The following SUPT6H variants were observed in gnomAD, a reference collection of about 807,000 sequenced individuals.
SUPT6H encodes SPT6 homolog, histone chaperone and transcription elongation factor, also known as transcription elongation factor SPT6.
In SUPT6H, 11 loss-of-function variants were observed where a neutral mutation model predicts 222.3. That is an observed-to-expected ratio of 0.05 (90% confidence interval 0.03 to 0.08). The LOEUF (loss-of-function observed/expected upper bound fraction) is 0.08. Among genes scored for constraint, SUPT6H ranks in the 10% least tolerant of loss-of-function variants. The pLI, the probability that SUPT6H is intolerant of heterozygous loss-of-function variation, is 1.00. For missense variants in SUPT6H, 1,422 were observed against 2,216.0 expected (o/e 0.64, Z 7.19); for synonymous variants, 762 against 801.2 (o/e 0.95, Z 0.83).
At chr17:28,698,119 C>G (rs948885192) in intron 32 of SUPT6H, 89 bp downstream of exon 32, 86 of 1,467,022 alleles carry the variant, frequency 5.9e-5, no homozygotes, top group Non-Finnish European at 7.6e-5. Flanking sequence ...CCCTCTCTGG[C>G]TCTGCTGGAC....
chr17:28,697,787 G>A (rs2031987312), intron 31 of SUPT6H, 54 bp downstream of exon 31: 7 of 1,610,362 alleles, frequency 4.3e-6, no homozygotes, highest in African/African-American at 1.3e-5. Context: ...AAGGATGTAC[G>A]CTTTCCCTTC....
chr17:28,697,096 C>T lies in SUPT6H; in HGVS notation c.4209+14C>T. 1.2e-6 allele frequency: 2 copies of T among 1,607,612 alleles called. No homozygotes were observed. The highest frequency in any genetic ancestry group is 1.7e-6 in the Non-Finnish European group (2 of 1,174,364). The stretch of plus-strand genomic sequence containing the variant: ...ATCAACAGTGAGGTGAGAGCCAGTG[C>T]CTGCCCACCTCCCATCCCACTCCTG... On this transcript the variant is annotated intron_variant, in intron 30 of 36. Coordinates refer to ENST00000314616, the MANE Select transcript of SUPT6H (RefSeq NM_003170.5).
chr17:28,677,366 G>T (rs1205431233), intron 7 of SUPT6H, among the ~76,000 whole-genome samples: 1 of 151,168 alleles, frequency 6.6e-6, no homozygotes, highest in Non-Finnish European at 1.5e-5. Context: ...CTGGGCAACA[G>T]AGCGAGACTC....
intron 30 of SUPT6H, 98 bp downstream of exon 30, chr17:28,697,180 G>C: frequency 9.9e-7 from 1 of 1,012,678 alleles, no homozygotes; most frequent in Non-Finnish European, 1.5e-6. Context: ...CGGGTCATAG[G>C]TATTTTAGCT....
At chr17:28,681,469 C>A in intron 12 of SUPT6H, 65 bp downstream of exon 12, 1 of 1,514,814 alleles carries the variant, frequency 6.6e-7, no homozygotes, top group Admixed American at 2.2e-5. Flanking sequence ...CGCATGTAAT[C>A]CCAGCATTTT....
chr17:28,684,820 C>T (rs892191643), intron 18 of SUPT6H, 24 bp from the exon 19 acceptor site: 2 of 1,613,870 alleles, frequency 1.2e-6, no homozygotes, highest in Admixed American at 1.7e-5. Flanking sequence ...TTATTGCATT[C>T]TTGTTTTTCT....
In SUPT6H at chr17:28,690,861, G is replaced by A. The variant is rs1169183761; in HGVS notation, c.3491-60G>A. The A allele has an allele frequency of 1.9e-6, 3 of 1,567,212 alleles. No individual in the cohort carries two copies. The African/African-American group carries it at 4.1e-5, about 21-fold the overall frequency. ...GATATTCTGTCACTGAAAGGCTGGTGGAAAGAAGTGCTCTCCACATTCTCT... is the reference window on the plus strand; with the variant it reads ...GATATTCTGTCACTGAAAGGCTGGTAGAAAGAAGTGCTCTCCACATTCTCT... On this transcript the variant is annotated intron_variant, in intron 26 of 36. Coordinates refer to ENST00000314616, the MANE Select transcript of SUPT6H (RefSeq NM_003170.5).
At chr17:28,696,464 G>T (rs1209088026) in intron 29 of SUPT6H, among the ~76,000 whole-genome samples, 1 of 150,740 alleles carries the variant, frequency 6.6e-6, no homozygotes, top group Admixed American at 6.6e-5. Context: ...AGGCGTGGTG[G>T]TGGGCGCCTG....
At chr17:28,673,315 GC>G (rs2030544149) in intron 1 of SUPT6H, 55 bp from the exon 2 acceptor site, 1 of 1,055,994 alleles carries the variant, frequency 9.5e-7, no homozygotes, top group South Asian at 1.4e-5. Context: ...AGGTTTAAGA[GC>G]CCTCTGTACA....
chr17:28,698,581 G>C (rs2032018265), intron 32 of SUPT6H, among the ~76,000 whole-genome samples: 1 of 152,230 alleles, frequency 6.6e-6, no homozygotes, highest in Non-Finnish European at 1.5e-5. Context: ...CCTGAACCTA[G>C]AGGACAAAGT....
Position 28,690,958 on chromosome 17 carries a change from C to T in SUPT6H, c.3528C>T (p.His1176=). ...LIICNVTGIA[H]RRPQGESYDQ... ...TCTGCAATGTCACTGGCATTGCCCA[C>T]AGGCGTCCCCAGGGTGAGAGCTATG... is the stretch of plus-strand genomic sequence containing the variant. Residue 1176 remains histidine, a synonymous_variant, in exon 27 of 37, where the codon CAC becomes CAT. Coordinates refer to ENST00000314616, the MANE Select transcript of SUPT6H (RefSeq NM_003170.5). 6.2e-7 allele frequency: 1 copy of T among 1,613,988 alleles called. No individual in the cohort carries two copies. Among genetic ancestry groups the T allele is most frequent in the Admixed American group, 1.7e-5 (1 of 60,024 alleles).
chr17:28,663,846 G>GTTTTTTTTTTTTTTTTTTTTTTTTTT (rs2072116116), intron 1 of SUPT6H, among the ~76,000 whole-genome samples: 1 of 732 alleles, frequency 1.4e-3, no homozygotes, highest in Admixed American at 5.4e-3. Flanking sequence ...TTTTTTTTTT[G>GTTTTTTTTTTTTTTTTTTTTTTTTTT]TGGAGACAGG....
rs772017749 is a variant in SUPT6H, at chr17:28,674,453, G to A, written c.268+12G>A. ...GAAGAGAAAACGCAGTGAGTAGTCT[G>A]TCGTTGGCTCAAGTGAGGCTTGGGT... On this transcript the variant is annotated intron_variant, in intron 3 of 36. Transcript: ENST00000314616. 6.2e-7 allele frequency: 1 copy of A among 1,614,156 alleles called. No homozygotes were observed. Among genetic ancestry groups the A allele is most frequent in the Non-Finnish European group, 8.5e-7 (1 of 1,179,984 alleles).
intron 25 of SUPT6H, 118 bp from the exon 26 acceptor site, chr17:28,689,964 G>A (rs1274206882): frequency 7.7e-6 from 10 of 1,298,604 alleles, no homozygotes; most frequent in African/African-American, 1.5e-5. Context: ...GGAAAGAAAA[G>A]AAGAAGCCCT....
In SUPT6H at chr17:28,696,990, G is replaced by A. The variant is rs1381023792; in HGVS notation, c.4117G>A (p.Val1373Ile). Reference protein sequence around the residue: ...GENHLTVTWKVSDGIYQHVDV... With the variant: ...GENHLTVTWKISDGIYQHVDV... ...GAACCACCTGACAGTGACCTGGAAAGTCAGTGATGGCATCTACCAGCATGT... is the reference window on the plus strand; with the variant it reads ...GAACCACCTGACAGTGACCTGGAAAATCAGTGATGGCATCTACCAGCATGT... The change falls in exon 30 of 37, where the codon GTC (valine) becomes ATC (isoleucine). Residue 1373 changes from valine to isoleucine, a missense_variant. Coordinates refer to ENST00000314616, the MANE Select transcript of SUPT6H (RefSeq NM_003170.5). 6.2e-7 allele frequency: 1 copy of A among 1,614,132 alleles called. No homozygotes were observed. The highest frequency in any genetic ancestry group is 8.5e-7 in the Non-Finnish European group (1 of 1,180,038).
chr17:28,681,161 G>C, intron 11 of SUPT6H, 95 bp from the exon 12 acceptor site: 1 of 1,385,444 alleles, frequency 7.2e-7, no homozygotes, highest in South Asian at 1.2e-5. Context: ...ATTTTAGTTG[G>C]GATACTGCCT....
intron 1 of SUPT6H, among the ~76,000 whole-genome samples, chr17:28,664,071 G>A (rs951680421): frequency 1.3e-5 from 2 of 151,640 alleles, no homozygotes; most frequent in Admixed American, 1.3e-4. Context: ...ATATTCCTCT[G>A]TCTCTGCAAT....
intron 26 of SUPT6H, 69 bp downstream of exon 26, chr17:28,690,298 G>T (rs1377040216): frequency 1.3e-6 from 2 of 1,569,758 alleles, no homozygotes; most frequent in African/African-American, 2.7e-5. Flanking sequence ...AAACCAAGCA[G>T]CAGTTCCAAC....
At position 28,688,607 on chromosome 17, in the gene SUPT6H, G is replaced by C. The variant is rs1173141322; in HGVS notation, c.3134+389G>C. Reference sequence around the variant, plus strand: ...AGATAAGGAAGGGGGAGAGAGATTTGGTATGTTTTGAGATGATGTTATTAA... The same window carrying C: ...AGATAAGGAAGGGGGAGAGAGATTTCGTATGTTTTGAGATGATGTTATTAA... On this transcript the variant is annotated intron_variant, in intron 24 of 36. Transcript: ENST00000314616. The surrounding 1 kb of genome is among the most constrained non-coding windows in gnomAD (Gnocchi z 4.3). The C allele has an allele frequency of 6.4e-6, 1 of 157,136 alleles. No individual in the cohort carries two copies. The highest frequency in any genetic ancestry group is 6.4e-5 in the Admixed American group (1 of 15,698). 9.7% of individuals were successfully genotyped at this position (157,136 alleles called of 1,614,324 possible).
Sources: allele counts gnomAD v4.1 joint callset (sites outside exome capture counted in the v4.1 genomes callset), GRCh38; gene constraint gnomAD v4.1.1; non-coding constraint Gnocchi (gnomAD v3.1); transcripts MANE v1.5; gene names NCBI Gene and HGNC (gene_info 2026-07-23, HGNC 2026-07-21).